The following KCNT2 variants were observed in gnomAD, a reference collection of about 807,000 sequenced individuals.
KCNT2 encodes potassium sodium-activated channel subfamily T member 2.
Under a neutral mutation model 153.8 loss-of-function variants are expected in KCNT2, and 67 were observed. The ratio of observed to expected loss-of-function variants is 0.44; its 90% confidence interval spans 0.36 to 0.53. KCNT2 has a LOEUF of 0.53. Ranked by LOEUF, KCNT2 falls within the 20% of genes least tolerant of loss-of-function variation. KCNT2 has a pLI of 0.00. For synonymous variants in KCNT2, 500 were observed against 458.8 expected, an observed-to-expected ratio of 1.09 and a Z score of -1.15; for missense variants, 975 against 1,354.8, an observed-to-expected ratio of 0.72 and a Z score of 4.40.
chr1:196,501,523 T>C (rs912523774), intron 1 of KCNT2, among the ~76,000 whole-genome samples: 6 of 152,166 alleles, frequency 3.9e-5, no homozygotes, highest in Admixed American at 1.3e-4. Context: ...TCCTCACTTA[T>C]AAGTGGGAGC....
intron 13 of KCNT2, among the ~76,000 whole-genome samples, chr1:196,388,773 A>G (rs1670225163): frequency 6.6e-6 from 1 of 151,836 alleles, no homozygotes; most frequent in Non-Finnish European, 1.5e-5. Context: ...TAGTTCTACT[A>G]GCTTTATTAT....
chr1:196,558,302 A>G (rs1658940823), intron 1 of KCNT2, among the ~76,000 whole-genome samples: 1 of 151,482 alleles, frequency 6.6e-6, no homozygotes, highest in Admixed American at 6.6e-5. Flanking sequence ...TTAAATCTAG[A>G]AAAATCTACA....
chr1:196,379,263 G>C (rs1485264277), intron 13 of KCNT2, among the ~76,000 whole-genome samples: 1 of 151,836 alleles, frequency 6.6e-6, no homozygotes, highest in Admixed American at 6.6e-5. Flanking sequence ...GTTGAAGAAA[G>C]TGTTTCCTAT....
intron 7 of KCNT2, among the ~76,000 whole-genome samples, chr1:196,466,132 G>T (rs920326666): frequency 6.6e-6 from 1 of 151,996 alleles, no homozygotes; most frequent in African/African-American, 2.4e-5. Flanking sequence ...AATTAATATT[G>T]CAAAACAGGC....
At chr1:196,260,401 G>C (rs1300156993) in intron 25 of KCNT2, among the ~76,000 whole-genome samples, 9 of 151,770 alleles carry the variant, frequency 5.9e-5, no homozygotes, top group Admixed American at 5.9e-4. Context: ...ATCATGTAAA[G>C]TATACATCTA....
intron 8 of KCNT2, among the ~76,000 whole-genome samples, chr1:196,437,782 A>G (rs1016784676): frequency 1.3e-5 from 2 of 151,440 alleles, no homozygotes; most frequent in Non-Finnish European, 3.0e-5. Context: ...GCTACCTAAC[A>G]TTATAAAAGT....
At chr1:196,570,364 G>A (rs921029657) in intron 1 of KCNT2, among the ~76,000 whole-genome samples, 1 of 151,968 alleles carries the variant, frequency 6.6e-6, no homozygotes, top group African/African-American at 2.4e-5. Flanking sequence ...GAGTAAACCT[G>A]ACTTTAAAAC....
intron 10 of KCNT2, 96 bp downstream of exon 10, chr1:196,428,009 A>C (rs1333757838): frequency 1.2e-6 from 1 of 856,966 alleles, no homozygotes; most frequent in Non-Finnish European, 1.8e-6. Flanking sequence ...ATAAATAAAA[A>C]TCCTCCACAA....
intron 26 of KCNT2, among the ~76,000 whole-genome samples, chr1:196,249,175 A>AC (rs1179069842): frequency 6.6e-6 from 1 of 152,118 alleles, no homozygotes; most frequent in Admixed American, 6.6e-5. Context: ...AACCATAACA[A>AC]CAGATGCACA....
chr1:196,429,113 G>A (rs570703717), intron 9 of KCNT2, among the ~76,000 whole-genome samples: 10 of 151,444 alleles, frequency 6.6e-5, no homozygotes, highest in Admixed American at 5.3e-4. Flanking sequence ...CAAAATACTG[G>A]TATTATAGGC....
rs747899287 is a variant in KCNT2, at chr1:196,435,135, G to GTGTATATATATA, written c.639-5379_639-5378insTATATATATACA. ...GCAATAGATACTTATGTGTGTGTGTGTATGTATATATATATATATATATAT... is the reference window on the plus strand; with the variant it reads ...GCAATAGATACTTATGTGTGTGTGTGTGTATATATATATATGTATATATATATATATATATAT... On this transcript the variant is annotated intron_variant, in intron 8 of 27. Transcript: ENST00000294725. 3.6e-4 allele frequency among the ~76,000 whole-genome samples: 28 copies of GTGTATATATATA among 76,858 alleles called. 2 individuals are homozygous for GTGTATATATATA. Among genetic ancestry groups the GTGTATATATATA allele is most frequent in the East Asian group, 1.1e-3 (3 of 2,614 alleles). 50.4% of individuals were successfully genotyped at this position (76,858 alleles called of 152,430 possible).
At chr1:196,349,236 A>C (rs944943685) in intron 14 of KCNT2, among the ~76,000 whole-genome samples, 1 of 152,148 alleles carries the variant, frequency 6.6e-6, no homozygotes, top group Non-Finnish European at 1.5e-5. Context: ...ATAAATTACA[A>C]ATTCCGTGAC....
In KCNT2 at chr1:196,607,064, A is replaced by T. The variant is rs536499466; in HGVS notation, c.95+1151T>A. 3.8e-4 allele frequency among the ~76,000 whole-genome samples: 58 copies of T among 152,268 alleles called. 1 individual carries two copies. Among genetic ancestry groups the T allele is most frequent in the African/African-American group, 1.3e-3 (52 of 41,574 alleles). On this transcript the variant is annotated intron_variant, in intron 1 of 27. Transcript: ENST00000294725. ...AATTACTAATATGAGACCAAACAAG[A>T]TGCCCATAATTGATGCTCAAGATAA... is the stretch of plus-strand genomic sequence containing the variant.
At chr1:196,298,173 T>C (rs1245334517) in intron 22 of KCNT2, among the ~76,000 whole-genome samples, 3 of 152,180 alleles carry the variant, frequency 2.0e-5, no homozygotes, top group African/African-American at 4.8e-5. Context: ...ATAAATTCTG[T>C]TGCATCAAGC....
intron 14 of KCNT2, among the ~76,000 whole-genome samples, chr1:196,368,406 C>T (rs963373122): frequency 4.6e-5 from 7 of 152,088 alleles, no homozygotes; most frequent in African/African-American, 1.7e-4. Flanking sequence ...CTTTCCTTAA[C>T]ATTTCTGTGC....
intron 14 of KCNT2, among the ~76,000 whole-genome samples, chr1:196,347,758 T>C (rs1355684847): frequency 6.6e-6 from 1 of 152,174 alleles, no homozygotes; most frequent in Non-Finnish European, 1.5e-5. Flanking sequence ...TAGAAGTCTT[T>C]AATTTGTCCT....
intron 13 of KCNT2, among the ~76,000 whole-genome samples, chr1:196,391,719 A>G (rs1465487565): frequency 6.6e-6 from 1 of 151,346 alleles, no homozygotes; most frequent in African/African-American, 2.4e-5. Context: ...AAAAATAATC[A>G]ACACCAATGT....
intron 1 of KCNT2, among the ~76,000 whole-genome samples, chr1:196,562,580 T>C (rs1215595201): frequency 6.6e-6 from 1 of 151,994 alleles, no homozygotes; most frequent in African/African-American, 2.4e-5. Flanking sequence ...GAGAGTCATG[T>C]GCTAGGTTTG....
intron 1 of KCNT2, among the ~76,000 whole-genome samples, chr1:196,553,067 A>G (rs1470015175): frequency 4.0e-5 from 6 of 151,310 alleles, no homozygotes; most frequent in Admixed American, 2.0e-4. Context: ...CTCCCTACTT[A>G]TCAATAATAA....
Sources: gnomAD v4.1 joint callset for allele counts (sites outside exome capture counted in the v4.1 genomes callset) on GRCh38, gnomAD v4.1.1 for gene constraint, MANE v1.5 for transcripts, NCBI Gene and HGNC (gene_info 2026-07-23, HGNC 2026-07-21) for gene names.